The following RNLS variants were observed in gnomAD, a reference collection of about 807,000 sequenced individuals.
RNLS encodes the protein renalase.
In RNLS, 39 loss-of-function variants were observed where a neutral mutation model predicts 39.8. The ratio of observed to expected loss-of-function variants is 0.98; its 90% confidence interval spans 0.76 to 1.28. RNLS has a LOEUF of 1.28. Ranked by LOEUF, RNLS falls within the 50% of genes most tolerant of loss-of-function variation. RNLS has a pLI of 0.00. For missense variants in RNLS, 410 were observed against 413.3 expected (o/e 0.99, Z 0.07); for synonymous variants, 147 against 150.7 (o/e 0.98, Z 0.18).
At chr10:88,193,209 GAGA>G in the RNLS span, among the ~76,000 whole-genome samples, 2 of 152,178 alleles carry the variant, frequency 1.3e-5, no homozygotes, top group African/African-American at 4.8e-5. Context: ...AATGGGAACT[GAGA>G]AGAAGGGGAA....
intron 4 of RNLS, among the ~76,000 whole-genome samples, chr10:88,521,979 C>A (rs1846770971): frequency 6.6e-6 from 1 of 151,980 alleles, no homozygotes; most frequent in African/African-American, 2.4e-5. Context: ...TAACCTTTAC[C>A]CTGGAGCAAA....
intron 4 of RNLS, among the ~76,000 whole-genome samples, chr10:88,436,526 A>T (rs1841422956): frequency 6.6e-6 from 1 of 152,200 alleles, no homozygotes; most frequent in Non-Finnish European, 1.5e-5. Flanking sequence ...TAATCAATCC[A>T]AGCTTTTACC....
intron 4 of RNLS, among the ~76,000 whole-genome samples, chr10:88,478,466 C>A (rs1020790009): frequency 6.6e-6 from 1 of 152,108 alleles, no homozygotes; most frequent in African/African-American, 2.4e-5. Flanking sequence ...TCCCTCACTA[C>A]CTATCATCTC....
chr10:88,450,843 T>C (rs1015409321), intron 4 of RNLS, among the ~76,000 whole-genome samples: 4 of 152,224 alleles, frequency 2.6e-5, no homozygotes, highest in Non-Finnish European at 4.4e-5. Context: ...CATATCTTTG[T>C]ACATGAGTTG....
At chr10:88,301,429 G>A (rs1475744610) in intron 6 of RNLS, among the ~76,000 whole-genome samples, 2 of 152,090 alleles carry the variant, frequency 1.3e-5, no homozygotes, top group East Asian at 3.8e-4. Context: ...TTGATAAATT[G>A]GGTCATACTA....
intron 4 of RNLS, among the ~76,000 whole-genome samples, chr10:88,476,896 T>C (rs572531060): frequency 2.6e-5 from 4 of 152,254 alleles, no homozygotes; most frequent in African/African-American, 9.6e-5. Context: ...GTTGTTCTTA[T>C]GCAACAAGGC....
chr10:88,363,858 T>G (rs72820014), intron 4 of RNLS, among the ~76,000 whole-genome samples: 10,219 of 152,266 alleles, frequency 0.067, 495 homozygotes, highest in Admixed American at 0.13. Context: ...GCAATAATAG[T>G]ACAGAATGCA....
chr10:88,320,065 G>A (rs1015373270), intron 5 of RNLS, among the ~76,000 whole-genome samples: 1 of 151,314 alleles, frequency 6.6e-6, no homozygotes, highest in Non-Finnish European at 1.5e-5. Flanking sequence ...TACCCATAAA[G>A]GAAATACCAT....
At chr10:88,288,163 C>T (rs1366596470) in intron 6 of RNLS, among the ~76,000 whole-genome samples, 1 of 152,108 alleles carries the variant, frequency 6.6e-6, no homozygotes, top group African/African-American at 2.4e-5. Context: ...ATGTCCACTG[C>T]CTATCAAATG....
the RNLS span, among the ~76,000 whole-genome samples, chr10:88,237,939 G>T: frequency 2.6e-3 from 391 of 152,320 alleles, 1 homozygote; most frequent in African/African-American, 8.7e-3. Flanking sequence ...AATCATAAAG[G>T]GGAGAGTTTT....
intron 3 of RNLS, among the ~76,000 whole-genome samples, chr10:88,574,576 C>T (rs1346570300): frequency 6.6e-6 from 1 of 152,180 alleles, no homozygotes; most frequent in Non-Finnish European, 1.5e-5. Context: ...ATCTCATACA[C>T]TTTCATCTCT....
intron 5 of RNLS, among the ~76,000 whole-genome samples, chr10:88,318,215 A>T (rs888740181): frequency 2.0e-5 from 3 of 152,198 alleles, no homozygotes; most frequent in African/African-American, 7.2e-5. Context: ...TCTCTGGCAA[A>T]CATGGGGCTG....
At chr10:88,259,557 C>G in the RNLS span, among the ~76,000 whole-genome samples, 1 of 152,182 alleles carries the variant, frequency 6.6e-6, no homozygotes, top group Non-Finnish European at 1.5e-5. Flanking sequence ...ATTTTCCACA[C>G]TTGTAAATTG....
chr10:88,277,297 G>A (rs758017677), intron 6 of RNLS, among the ~76,000 whole-genome samples: 9 of 152,010 alleles, frequency 5.9e-5, no homozygotes, highest in Non-Finnish European at 1.0e-4. Context: ...GACACAGGGC[G>A]GGGAGCATTG....
chr10:88,190,048 T>C, the RNLS span, among the ~76,000 whole-genome samples: 1 of 152,192 alleles, frequency 6.6e-6, no homozygotes, highest in African/African-American at 2.4e-5. Context: ...GGCAGAGAGA[T>C]TAGGGCCTCT....
At chr10:88,549,688 T>C (rs1350705580) in intron 4 of RNLS, among the ~76,000 whole-genome samples, 1 of 152,194 alleles carries the variant, frequency 6.6e-6, no homozygotes. Flanking sequence ...AAAGCCAGTA[T>C]TACAGCCGAC....
chr10:88,391,551 C>T (rs1279412009), intron 4 of RNLS, among the ~76,000 whole-genome samples: 3 of 151,786 alleles, frequency 2.0e-5, no homozygotes, highest in South Asian at 4.1e-4. Flanking sequence ...AGCGAGACTC[C>T]GTCTAAAAAA....
At chr10:88,560,657 T>A (rs1328991410) in intron 4 of RNLS, among the ~76,000 whole-genome samples, 1 of 151,972 alleles carries the variant, frequency 6.6e-6, no homozygotes, top group Non-Finnish European at 1.5e-5. Context: ...GAGACCTGGT[T>A]CCCTGGCTAT....
chr10:88,346,202 CA>C (rs1174581946), intron 5 of RNLS, among the ~76,000 whole-genome samples: 5 of 152,010 alleles, frequency 3.3e-5, no homozygotes, highest in African/African-American at 9.7e-5. Flanking sequence ...TGTTCTTTAA[CA>C]AACTATTAAA....
Sources: allele counts gnomAD v4.1 joint callset (sites outside exome capture counted in the v4.1 genomes callset), GRCh38; gene constraint gnomAD v4.1.1; transcripts MANE v1.5; gene names NCBI Gene and HGNC (gene_info 2026-07-23, HGNC 2026-07-21).